The following PTPRD variants were observed in gnomAD, a reference collection of about 807,000 sequenced individuals.
The protein encoded by PTPRD is receptor-type tyrosine-protein phosphatase delta.
PTPRD carries 34 observed loss-of-function variants against 214.5 expected under a neutral mutation model. The observed-to-expected ratio is 0.16, with a 90% CI of 0.12 to 0.21. The LOEUF (loss-of-function observed/expected upper bound fraction) is 0.21. Among genes scored for constraint, PTPRD ranks in the 10% least tolerant of loss-of-function variants. The pLI is 1.00. For synonymous variants in PTPRD, 1,128 were observed against 845.7 expected (o/e 1.33, Z -5.79); for missense variants, 2,545 against 2,398.7 (o/e 1.06, Z -1.27).
chr9:10,567,068 G>C (rs1363677786), intron 2 of PTPRD, among the ~76,000 whole-genome samples: 1 of 152,002 alleles, frequency 6.6e-6, no homozygotes, highest in Non-Finnish European at 1.5e-5. Context: ...TGCTTACATA[G>C]TATGTTTGCT....
intron 5 of PTPRD, among the ~76,000 whole-genome samples, chr9:9,808,191 G>C (rs2046029886): frequency 6.6e-6 from 1 of 152,134 alleles, no homozygotes; most frequent in African/African-American, 2.4e-5. Context: ...TGTTTTATAG[G>C]TTATTGGGGC....
intron 2 of PTPRD, among the ~76,000 whole-genome samples, chr9:10,420,124 A>T (rs2098532332): frequency 6.6e-6 from 1 of 151,884 alleles, no homozygotes; most frequent in African/African-American, 2.4e-5. Context: ...TAAAAAGAGG[A>T]GGAAGAAAAG....
chr9:10,566,542 T>G (rs1566966866), intron 2 of PTPRD, among the ~76,000 whole-genome samples: 1 of 152,074 alleles, frequency 6.6e-6, no homozygotes, highest in African/African-American at 2.4e-5. Context: ...CTAAGGTGGT[T>G]GTTTTTCTGA....
At chr9:10,181,309 T>A (rs1458485689) in intron 3 of PTPRD, among the ~76,000 whole-genome samples, 1 of 152,106 alleles carries the variant, frequency 6.6e-6, no homozygotes, top group Admixed American at 6.6e-5. Context: ...AATTCTAACA[T>A]AATAAAGGCT....
intron 12 of PTPRD, among the ~76,000 whole-genome samples, chr9:8,676,629 A>T (rs2097425463): frequency 6.6e-6 from 1 of 151,964 alleles, no homozygotes; most frequent in South Asian, 2.1e-4. Context: ...GCTGGAGTGC[A>T]ATGGCGCGAT....
intron 3 of PTPRD, among the ~76,000 whole-genome samples, chr9:10,225,818 G>A (rs1193992192): frequency 1.3e-5 from 2 of 152,066 alleles, no homozygotes; most frequent in South Asian, 2.1e-4. Context: ...CAATGAGAAT[G>A]TGTTAAGGTG....
In PTPRD at chr9:9,838,076, T is replaced by C. The variant is rs184512616; in HGVS notation, c.-367-71225A>G. On this transcript the variant is annotated intron_variant, in intron 5 of 45. Coordinates refer to ENST00000381196, the MANE Select transcript of PTPRD (RefSeq NM_002839.4). ...GAATGATGATTTCCAGTTTCATCCA[T>C]GTCCCTACAAAGGACATGAACTCAT... 9.1e-4 allele frequency among the ~76,000 whole-genome samples: 138 copies of C among 152,348 alleles called. 1 individual carries two copies. Among genetic ancestry groups the C allele is most frequent in the African/African-American group, 2.6e-3 (108 of 41,588 alleles).
intron 11 of PTPRD, among the ~76,000 whole-genome samples, chr9:8,809,114 A>G (rs2096748900): frequency 6.6e-6 from 1 of 152,130 alleles, no homozygotes; most frequent in Admixed American, 6.6e-5. Flanking sequence ...TTGAAAACAG[A>G]TCTCCTCATT....
chr9:8,379,865 A>G (rs1040965974), intron 37 of PTPRD, among the ~76,000 whole-genome samples: 1 of 152,162 alleles, frequency 6.6e-6, no homozygotes, highest in Non-Finnish European at 1.5e-5. Flanking sequence ...AAGGTCAGGC[A>G]GAGTCTCCCT....
chr9:9,399,068 C>A (rs1015905737), intron 8 of PTPRD, among the ~76,000 whole-genome samples: 19 of 140,186 alleles, frequency 1.4e-4, no homozygotes, highest in African/African-American at 4.7e-4. Flanking sequence ...TGTGTAGTTA[C>A]TCGTATTAAG....
At chr9:9,819,942 A>G (rs956154941) in intron 5 of PTPRD, among the ~76,000 whole-genome samples, 1 of 152,152 alleles carries the variant, frequency 6.6e-6, no homozygotes, top group Non-Finnish European at 1.5e-5. Flanking sequence ...TGTGAATAGC[A>G]CTGCAATGAA....
chr9:9,302,257 G>A (rs939526938), intron 9 of PTPRD, among the ~76,000 whole-genome samples: 1 of 151,742 alleles, frequency 6.6e-6, no homozygotes, highest in African/African-American at 2.4e-5. Flanking sequence ...CTATCTGACA[G>A]GAATTATCTT....
chr9:8,566,828 T>C (rs1020404128), intron 14 of PTPRD, among the ~76,000 whole-genome samples: 2 of 152,194 alleles, frequency 1.3e-5, no homozygotes, highest in African/African-American at 2.4e-5. Context: ...ACAAGGTATA[T>C]TGATGGTCAA....
intron 39 of PTPRD, among the ~76,000 whole-genome samples, chr9:8,353,188 C>G (rs2075983416): frequency 6.6e-6 from 1 of 152,152 alleles, no homozygotes; most frequent in African/African-American, 2.4e-5. Context: ...GGCTCTAAAT[C>G]TGTGGTTCCT....
chr9:9,071,946 G>C (rs542549932), intron 10 of PTPRD, among the ~76,000 whole-genome samples: 1 of 152,194 alleles, frequency 6.6e-6, no homozygotes, highest in South Asian at 2.1e-4. Context: ...CATAGAAATG[G>C]TCTGCTGTTT....
chr9:8,328,161 G>A (rs1204923684), intron 44 of PTPRD, among the ~76,000 whole-genome samples: 1 of 152,152 alleles, frequency 6.6e-6, no homozygotes, highest in East Asian at 1.9e-4. Flanking sequence ...GGTACCAGTT[G>A]TTCCTTTCCA....
At chr9:10,441,549 A>AT (rs146759546) in intron 2 of PTPRD, among the ~76,000 whole-genome samples, 100 of 150,698 alleles carry the variant, frequency 6.6e-4, no homozygotes, top group Non-Finnish European at 1.1e-3. Context: ...CCAATAAAGT[A>AT]TTTTTTTTTC....
At chr9:8,819,095 T>C (rs1469929766) in intron 11 of PTPRD, among the ~76,000 whole-genome samples, 4 of 152,220 alleles carry the variant, frequency 2.6e-5, no homozygotes, top group Non-Finnish European at 5.9e-5. Context: ...ATTAAAAACA[T>C]AAAAATGTAT....
intron 11 of PTPRD, among the ~76,000 whole-genome samples, chr9:8,976,957 T>C (rs143672235): frequency 1.8e-4 from 28 of 152,198 alleles, no homozygotes; most frequent in African/African-American, 6.5e-4. Flanking sequence ...CATTTGTCTG[T>C]TGGACATTTC....
Sources: gnomAD v4.1 joint callset for allele counts (sites outside exome capture counted in the v4.1 genomes callset) on GRCh38, gnomAD v4.1.1 for gene constraint, MANE v1.5 for transcripts, NCBI Gene and HGNC (gene_info 2026-07-23, HGNC 2026-07-21) for gene names.